Variants in ROR2 observed in about 807,000 individuals in gnomAD.
The protein encoded by ROR2 is tyrosine-protein kinase transmembrane receptor ROR2.
In ROR2, 33 loss-of-function variants were observed where a neutral mutation model predicts 74.9. That is an observed-to-expected ratio of 0.44 (90% CI 0.33 to 0.59). The LOEUF (loss-of-function observed/expected upper bound fraction) is 0.59. Among genes scored for constraint, ROR2 ranks in the 20% least tolerant of loss-of-function variants. The pLI, the probability that ROR2 is intolerant of heterozygous loss-of-function variation, is 0.02. For synonymous variants in ROR2, 586 were observed against 558.7 expected (o/e 1.05, Z -0.69); for missense variants, 1,216 against 1,313.8 (o/e 0.93, Z 1.15).
chr9:91,930,820 A>G (rs778347626), intron 1 of ROR2, among the ~76,000 whole-genome samples: 5 of 152,250 alleles, frequency 3.3e-5, no homozygotes, highest in Non-Finnish European at 5.9e-5. Context: ...GATGAAAATG[A>G]AGCCAAAATA....
intron 1 of ROR2, among the ~76,000 whole-genome samples, chr9:91,816,688 A>AACCCCCCC: frequency 1.1e-5 from 1 of 91,282 alleles, no homozygotes; most frequent in Non-Finnish European, 2.2e-5. Flanking sequence ...CTTGTTTACC[A>AACCCCCCC]CCCCCCCACC....
chr9:91,861,550 C>T (rs996834845), intron 1 of ROR2, among the ~76,000 whole-genome samples: 7 of 152,304 alleles, frequency 4.6e-5, no homozygotes, highest in African/African-American at 1.4e-4. Flanking sequence ...AAATGAACAT[C>T]TGCACACAAA....
Position 91,823,231 on chromosome 9 carries a change from G to A in ROR2, c.98-47413C>T, listed in dbSNP as rs1828187280. ...TTTTGTTCCATGTAAGAATGGTGCT[G>A]CCATTATGGAGAATGACAGTTTTTC... On this transcript the variant is annotated intron_variant, in intron 1 of 8. Coordinates refer to ENST00000375708, the MANE Select transcript of ROR2 (RefSeq NM_004560.4). Among the ~76,000 whole-genome samples, 9 of 152,270 alleles carry A rather than the reference G, an allele frequency of 5.9e-5. No individual in the cohort carries two copies. The South Asian group carries it at 1.9e-3, about 32-fold the overall frequency.
At chr9:91,857,663 C>T (rs997668722) in intron 1 of ROR2, among the ~76,000 whole-genome samples, 2 of 152,084 alleles carry the variant, frequency 1.3e-5, no homozygotes, top group Non-Finnish European at 2.9e-5. Context: ...GGAGGCAGGC[C>T]CCTGTCTTCT....
At chr9:91,807,778 G>A (rs904830657) in intron 1 of ROR2, among the ~76,000 whole-genome samples, 5 of 152,114 alleles carry the variant, frequency 3.3e-5, no homozygotes, top group African/African-American at 4.8e-5. Context: ...TGTGGTGTGA[G>A]AGCAGAGGAA....
At chr9:91,752,445 C>G (rs1390420062) in intron 4 of ROR2, among the ~76,000 whole-genome samples, 1 of 152,172 alleles carries the variant, frequency 6.6e-6, no homozygotes, top group Non-Finnish European at 1.5e-5. Flanking sequence ...AGATGAATCT[C>G]AAAAGCACTA....
intron 1 of ROR2, among the ~76,000 whole-genome samples, chr9:91,898,004 C>A (rs74856945): frequency 3.3e-5 from 5 of 152,134 alleles, no homozygotes; most frequent in African/African-American, 1.2e-4. Flanking sequence ...CACCCACAGG[C>A]TCCATCCTGA....
rs533587526 is a variant in ROR2, at chr9:91,948,857, G to T, written c.97+1010C>A. 85 of 985,386 alleles carry T rather than the reference G, an allele frequency of 8.6e-5. No individual in the cohort carries two copies. The African/African-American group carries it at 1.4e-3, about 17-fold the overall frequency. The allele number at this position is 985,386 out of a possible 1,614,324, so 61.0% of individuals were successfully genotyped here. A position where few individuals can be genotyped will look rare whatever the true frequency, so the allele number is the denominator to read the frequency against. The stretch of plus-strand genomic sequence containing the variant: ...GCCCCGCCCGCCCTCCTCCACCCCC[G>T]CAGGGTGCCGAGAATCCGGCCCGAG... On this transcript the variant is annotated intron_variant, in intron 1 of 8. Coordinates refer to ENST00000375708, the MANE Select transcript of ROR2 (RefSeq NM_004560.4).
intron 4 of ROR2, 109 bp downstream of exon 4, chr9:91,755,962 T>G: frequency 1.6e-6 from 2 of 1,217,298 alleles, no homozygotes; most frequent in East Asian, 2.3e-5. Flanking sequence ...CCAGCCAACT[T>G]CTAGCAAATT....
intron 1 of ROR2, chr9:91,948,723 G>A: frequency 1.0e-6 from 1 of 985,508 alleles, no homozygotes; most frequent in Non-Finnish European, 1.2e-6. Flanking sequence ...CTTCCTGCAG[G>A]AGTGCAGGGA....
chr9:91,859,464 G>A (rs1488885152), intron 1 of ROR2, among the ~76,000 whole-genome samples: 1 of 152,092 alleles, frequency 6.6e-6, no homozygotes, highest in East Asian at 1.9e-4. Flanking sequence ...AGGCGGCAAG[G>A]GTATTTTTTG....
At chr9:91,770,358 G>A (rs1184025812) in intron 2 of ROR2, among the ~76,000 whole-genome samples, 1 of 152,180 alleles carries the variant, frequency 6.6e-6, no homozygotes, top group Non-Finnish European at 1.5e-5. Flanking sequence ...ACCCTGGCTC[G>A]CCTGCTGGCG....
intron 4 of ROR2, among the ~76,000 whole-genome samples, chr9:91,744,752 A>G (rs946800013): frequency 3.9e-5 from 6 of 152,218 alleles, no homozygotes; most frequent in Non-Finnish European, 5.9e-5. Context: ...GGCCACCTCT[A>G]AGGCCAGGAT....
chr9:91,863,260 A>C (rs1439515499), intron 1 of ROR2, among the ~76,000 whole-genome samples: 1 of 152,322 alleles, frequency 6.6e-6, no homozygotes, highest in African/African-American at 2.4e-5. Context: ...TCCTGGCCTC[A>C]AGTGATCCTC....
intron 1 of ROR2, among the ~76,000 whole-genome samples, chr9:91,847,433 T>C (rs1294734786): frequency 1.3e-5 from 2 of 152,154 alleles, no homozygotes; most frequent in Admixed American, 1.3e-4. Flanking sequence ...CACCAAAACA[T>C]GGGAAGCAGG....
At chr9:91,834,188 C>T (rs2119195318) in intron 1 of ROR2, among the ~76,000 whole-genome samples, 1 of 152,188 alleles carries the variant, frequency 6.6e-6, no homozygotes, top group East Asian at 1.9e-4. Context: ...GGAAACAAGA[C>T]CAGAAACTGT....
chr9:91,919,656 CT>C (rs1402747566), intron 1 of ROR2, among the ~76,000 whole-genome samples: 1 of 152,168 alleles, frequency 6.6e-6, no homozygotes, highest in African/African-American at 2.4e-5. Context: ...TCTAAGTCTC[CT>C]GGAAAACCTG....
intron 1 of ROR2, among the ~76,000 whole-genome samples, chr9:91,921,897 T>C (rs1294615988): frequency 3.3e-5 from 4 of 120,714 alleles, no homozygotes; most frequent in Admixed American, 7.9e-5. Flanking sequence ...CTAACAACAA[T>C]AATAAAAAGA....
At position 91,917,892 on chromosome 9, in the gene ROR2, A is replaced by G. The variant is rs565368097; in HGVS notation, c.97+31975T>C. On this transcript the variant is annotated intron_variant, in intron 1 of 8. Transcript: ENST00000375708. ...CAGAGCTGGATAGTGAGGCAGCTTT[A>G]TAAGTAGAAAGCTCATTCTTGTATC... Among the ~76,000 whole-genome samples the G allele has an allele frequency of 1.5e-4, 23 of 152,336 alleles. No homozygotes were observed. In the East Asian group the frequency reaches 1.9e-3, roughly 13 times the overall value.
Sources: gnomAD v4.1 joint callset for allele counts (sites outside exome capture counted in the v4.1 genomes callset) on GRCh38, gnomAD v4.1.1 for gene constraint, MANE v1.5 for transcripts, NCBI Gene and HGNC (gene_info 2026-07-23, HGNC 2026-07-21) for gene names.